NFIC: variants seen among roughly 807,000 people sequenced by gnomAD.
NFIC encodes the protein nuclear factor 1 C-type.
NFIC carries 12 observed loss-of-function variants against 54.4 expected under a neutral mutation model. The observed-to-expected ratio is 0.22, with a 90% CI of 0.14 to 0.36. NFIC has a LOEUF of 0.36. NFIC is among the 10% of genes least tolerant of loss of function. NFIC has a pLI of 1.00. For missense variants in NFIC, 575 were observed against 718.2 expected, an observed-to-expected ratio of 0.80 and a Z score of 2.28; for synonymous variants, 322 against 319.2, an observed-to-expected ratio of 1.01 and a Z score of -0.09.
chr19:3,436,296 C>G (rs2082201567), intron 6 of NFIC, among the ~76,000 whole-genome samples: 1 of 147,496 alleles, frequency 6.8e-6, no homozygotes, highest in African/African-American at 2.5e-5. Flanking sequence ...GTGCATACTG[C>G]CATGCGCCGT....
Position 3,370,637 on chromosome 19 carries a change from TTCTC to T in NFIC, c.30+3979_30+3982del, listed in dbSNP as rs200434256. Among the ~76,000 whole-genome samples, 3 of 150,086 alleles carry T rather than the reference TTCTC, an allele frequency of 2.0e-5. No individual in the cohort carries two copies. The highest frequency in any genetic ancestry group is 2.1e-4 in the South Asian group (1 of 4,712). On this transcript the variant is annotated intron_variant, in intron 1 of 10. Transcript: ENST00000443272. The surrounding 1 kb of genome is among the most constrained non-coding windows in gnomAD (Gnocchi z 5.2). ...CCTTCTCTCCCTCTCTCCTTCTCTC[TTCTC>T]TCTCTCTTTCTCCCTCCCTACCTCC...
chr19:3,379,360 G>GT (rs980186931), intron 1 of NFIC, among the ~76,000 whole-genome samples: 335 of 137,270 alleles, frequency 2.4e-3, no homozygotes, highest in Middle Eastern at 0.01. Context: ...GCCCAGCCGG[G>GT]TTTTTTTTTT....
chr19:3,459,326 G>A lies in NFIC; in HGVS notation c.1509+2691G>A, dbSNP rs2082607055. On this transcript the variant is annotated intron_variant, in intron 10 of 10. Coordinates refer to ENST00000443272, the MANE Select transcript of NFIC (RefSeq NM_001245002.2). This position sits in a 1 kb window ranked among gnomAD's most constrained non-coding sequence, Gnocchi z 4.2. ...GTCAGTTACCCACCCATCGCCCCAT[G>A]TCCGTCCCTATCAATCCCCCCACTG... Among the ~76,000 whole-genome samples the A allele has an allele frequency of 6.7e-6, 1 of 150,356 alleles. No homozygotes were observed. The highest frequency in any genetic ancestry group is 1.5e-5 in the Non-Finnish European group (1 of 67,800).
At chr19:3,450,580 GGGAGGC>G (rs2082446328) in intron 7 of NFIC, among the ~76,000 whole-genome samples, 1 of 151,632 alleles carries the variant, frequency 6.6e-6, no homozygotes, top group Non-Finnish European at 1.5e-5. Context: ...TCTTGAACCC[GGGAGGC>G]GGAGGCTGCA....
At chr19:3,442,156 A>G (rs1293765295) in intron 6 of NFIC, among the ~76,000 whole-genome samples, 4 of 152,130 alleles carry the variant, frequency 2.6e-5, no homozygotes. Flanking sequence ...GGCCTGGGCC[A>G]GGCCCTTTCT....
intron 10 of NFIC, 43 bp downstream of exon 10, chr19:3,456,678 C>A (rs2082563270): frequency 1.4e-3 from 1,191 of 831,062 alleles, no homozygotes; most frequent in Non-Finnish European, 2.1e-3. Context: ...AGGGGCAGGG[C>A]AGAGGGGCCG....
intron 1 of NFIC, among the ~76,000 whole-genome samples, chr19:3,360,280 C>T (rs1433311719): frequency 6.8e-6 from 1 of 146,024 alleles, no homozygotes; most frequent in Non-Finnish European, 1.5e-5. Flanking sequence ...CGCTCGGCGC[C>T]GCGCAGGAGC....
chr19:3,366,236 C>T (rs565382181), upstream of NFIC, among the ~76,000 whole-genome samples: 219 of 150,142 alleles, frequency 1.5e-3, 3 homozygotes, highest in African/African-American at 4.7e-3. Context: ...TGCGTAAATA[C>T]GGGAGGAGCG....
rs1057072423 is a variant in NFIC at position 3,439,425 on chromosome 19, C to T, written c.958+4218C>T. On this transcript the variant is annotated intron_variant, in intron 6 of 10. Coordinates refer to ENST00000443272, the MANE Select transcript of NFIC (RefSeq NM_001245002.2). The stretch of plus-strand genomic sequence containing the variant: ...TGGGAGGCCGAGGCAGGCGGATCAC[C>T]TGAGGTCAGGAGTTCGAGACCAGCC... Among the ~76,000 whole-genome samples, 88 of 141,504 alleles carry T rather than the reference C, an allele frequency of 6.2e-4. 1 individual carries two copies. Among genetic ancestry groups the T allele is most frequent in the Non-Finnish European group, 1.7e-4 (11 of 66,104 alleles). 92.8% of individuals were successfully genotyped at this position (141,504 alleles called of 152,430 possible). A position where few individuals can be genotyped will look rare whatever the true frequency, so the allele number is the denominator to read the frequency against.
chr19:3,454,248 C>A (rs772016126), intron 9 of NFIC: 107 of 1,158,692 alleles, frequency 9.2e-5, no homozygotes, highest in East Asian at 8.6e-5. Context: ...ACGGATCTCA[C>A]AGTGGCGGCC....
Position 3,466,788 on chromosome 19 carries a change from G to C in NFIC, c.*4019G>C, listed in dbSNP as rs910582569. On this transcript the variant is annotated 3_prime_UTR_variant, in exon 11 of 11. Coordinates refer to ENST00000443272, the MANE Select transcript of NFIC (RefSeq NM_001245002.2). The surrounding 1 kb of genome is among the most constrained non-coding windows in gnomAD (Gnocchi z 4.8). ...CGCGTCCCTGCACAGCCCACACCCG[G>C]GGGCCCAGAGTCCTGGGCTGGACGC... 9.2e-5 allele frequency: 14 copies of C among 152,306 alleles called. No individual in the cohort carries two copies. The highest frequency in any genetic ancestry group is 2.6e-4 in the Admixed American group (4 of 15,296). The allele number at this position is 152,306 out of a possible 1,614,324, so 9.4% of individuals were successfully genotyped here.
chr19:3,430,930 T>TAA (rs2082109753), intron 3 of NFIC, among the ~76,000 whole-genome samples: 1 of 80,070 alleles, frequency 1.2e-5, no homozygotes, highest in African/African-American at 7.3e-5. Context: ...AGACTCCGTC[T>TAA]CAAAAAAAAA....
In NFIC at chr19:3,449,408, C is replaced by T. The variant is rs375834456; in HGVS notation, c.1084+269C>T. Among the ~76,000 whole-genome samples the T allele has an allele frequency of 2.0e-4, 31 of 152,138 alleles. No individual in the cohort carries two copies. In the East Asian group the frequency reaches 3.5e-3, roughly 17 times the overall value. ...AACTTCACCTCACTCCCCTCACCCC[C>T]GTCTCAATCTAATCCCCCCATTCCA... On this transcript the variant is annotated intron_variant, in intron 7 of 10. Coordinates refer to ENST00000443272, the MANE Select transcript of NFIC (RefSeq NM_001245002.2).
chr19:3,376,544 G>T (rs544379791), intron 1 of NFIC, among the ~76,000 whole-genome samples: 51 of 151,376 alleles, frequency 3.4e-4, no homozygotes, highest in Non-Finnish European at 5.3e-4. Context: ...ACCGGCCAAG[G>T]CAACACAGTG....
chr19:3,434,728 C>T (rs1389785058), intron 5 of NFIC, among the ~76,000 whole-genome samples: 4 of 152,148 alleles, frequency 2.6e-5, no homozygotes, highest in Non-Finnish European at 5.9e-5. Context: ...TGTGTGTGCC[C>T]CAGTTTCCCC....
rs529730339 is a variant in NFIC, at chr19:3,431,275, C to T, written c.635-2243C>T. On this transcript the variant is annotated intron_variant, in intron 3 of 10. Coordinates refer to ENST00000443272, the MANE Select transcript of NFIC (RefSeq NM_001245002.2). ...CTGAGCTCAGGTGATCCACCTGCCT[C>T]AGCCTCCCAAAGTGCTGGGATTACA... 2.0e-5 allele frequency among the ~76,000 whole-genome samples: 3 copies of T among 151,766 alleles called. No homozygotes were observed. The South Asian group carries it at 6.3e-4, about 32-fold the overall frequency.
At position 3,447,494 on chromosome 19, in the gene NFIC, G is replaced by A. The variant is rs532306361; in HGVS notation, c.959-1520G>A. On this transcript the variant is annotated intron_variant, in intron 6 of 10. Transcript: ENST00000443272. ...TCCCCACTCACCCCAAATAGCAGCAGCAGCGGCTCCTGCAGTAGCTAACAT... is the reference window on the plus strand; with the variant it reads ...TCCCCACTCACCCCAAATAGCAGCAACAGCGGCTCCTGCAGTAGCTAACAT... 2.6e-5 allele frequency among the ~76,000 whole-genome samples: 4 copies of A among 152,260 alleles called. No individual in the cohort carries two copies. The East Asian group carries it at 7.7e-4, about 29-fold the overall frequency.
chr19:3,454,056 C>G, intron 9 of NFIC, 140 bp downstream of exon 9: 1 of 1,380,792 alleles, frequency 7.2e-7, no homozygotes, highest in Non-Finnish European at 9.3e-7. Flanking sequence ...GGAAAACAGC[C>G]CAGTGGCCAC....
intron 2 of NFIC, among the ~76,000 whole-genome samples, chr19:3,392,362 G>A (rs931375053): frequency 1.3e-5 from 2 of 152,096 alleles, no homozygotes; most frequent in African/African-American, 4.8e-5. Flanking sequence ...GTGAGCCACC[G>A]CACCCGGCCT....
Sources: gnomAD v4.1 joint callset for allele counts (sites outside exome capture counted in the v4.1 genomes callset) on GRCh38, gnomAD v4.1.1 for gene constraint, Gnocchi (gnomAD v3.1) non-coding constraint, MANE v1.5 for transcripts, NCBI Gene and HGNC (gene_info 2026-07-23, HGNC 2026-07-21) for gene names.